Variants in DGKA observed in about 807,000 individuals in gnomAD.
DGKA encodes diacylglycerol kinase alpha, also known as 80 kDa diacylglycerol kinase.
A neutral mutation model predicts 105.0 loss-of-function variants in DGKA; 35 were observed. The observed-to-expected ratio is 0.33, with a 90% CI of 0.25 to 0.44. The LOEUF is 0.44. Ranked by LOEUF, DGKA falls within the 20% of genes least tolerant of loss-of-function variation. The pLI is 1.00. For missense variants in DGKA, 665 were observed against 915.0 expected (o/e 0.73, Z 3.53); for synonymous variants, 296 against 332.0 (o/e 0.89, Z 1.18).
chr12:55,949,073 G>T (rs901214362), intron 17 of DGKA, among the ~76,000 whole-genome samples: 1 of 151,582 alleles, frequency 6.6e-6, no homozygotes, highest in Admixed American at 6.6e-5. Context: ...CGTTGTCACC[G>T]TAAAGATTTA....
In DGKA at chr12:55,932,398, C is replaced by T. The variant is rs1883765322; in HGVS notation, c.-82+1054C>T. The T allele has an allele frequency of 1.6e-6, 1 of 609,820 alleles. No individual in the cohort carries two copies. The highest frequency in any genetic ancestry group is 1.8e-5 in the African/African-American group (1 of 54,510). The allele number at this position is 609,820 out of a possible 1,614,324, so 37.8% of individuals were successfully genotyped here. The stretch of plus-strand genomic sequence containing the variant: ...GTGAAGCCCGGTTCCTGGGACCCGA[C>T]TCGGAGGGAAGTCCTCTTCGGAACC... On this transcript the variant is annotated intron_variant, in intron 1 of 23. Coordinates refer to ENST00000331886, the MANE Select transcript of DGKA (RefSeq NM_001345.5). This position sits in a 1 kb window ranked among gnomAD's most constrained non-coding sequence, Gnocchi z 4.3.
chr12:55,932,692 TACACACACACACACACGC>T lies in DGKA; in HGVS notation c.-82+1365_-82+1382del, dbSNP rs1565727537. 6.9e-6 allele frequency: 4 copies of T among 580,780 alleles called. No individual in the cohort carries two copies. Among genetic ancestry groups the T allele is most frequent in the Non-Finnish European group, 1.2e-5 (4 of 323,178 alleles). 36.0% of individuals were successfully genotyped at this position (580,780 alleles called of 1,614,324 possible). A position where few individuals can be genotyped will look rare whatever the true frequency, so the allele number is the denominator to read the frequency against. On this transcript the variant is annotated intron_variant, in intron 1 of 23. Coordinates refer to ENST00000331886, the MANE Select transcript of DGKA (RefSeq NM_001345.5). This position sits in a 1 kb window ranked among gnomAD's most constrained non-coding sequence, Gnocchi z 4.3. ...TCCTATACTACGCAATGACACCCTC[TACACACACACACACACGC>T]ACACACACACACACACACACACACA...
chr12:55,939,081 T>A, intron 7 of DGKA, 92 bp downstream of exon 7: 1 of 1,607,120 alleles, frequency 6.2e-7, no homozygotes, highest in Non-Finnish European at 8.5e-7. Context: ...GGCAACCTGG[T>A]TCCCTTGGCT....
At position 55,942,467 on chromosome 12, in the gene DGKA, G is replaced by T. The variant is rs571561702; in HGVS notation, c.1426+204G>T. On this transcript the variant is annotated intron_variant, in intron 17 of 23. Transcript: ENST00000331886. ...CACAATCTGAACCTAGAAGGGTCAA[G>T]GGTGATAGTCCCCTTTCCTGTAAAT... 3 of 557,244 alleles carry T rather than the reference G, an allele frequency of 5.4e-6. No individual in the cohort carries two copies. In the East Asian group the frequency reaches 9.2e-5, roughly 17 times the overall value. 34.5% of individuals were successfully genotyped at this position (557,244 alleles called of 1,614,324 possible).
chr12:55,942,586 A>G (rs1886247512), intron 17 of DGKA: 1 of 328,412 alleles, frequency 3.0e-6, no homozygotes, highest in Non-Finnish European at 5.9e-6. Flanking sequence ...GTTGTATAAG[A>G]GCTAAGCCAG....
At chr12:55,930,107 AT>A (rs1440008558), upstream of DGKA, among the ~76,000 whole-genome samples, 1 of 152,122 alleles carries the variant, frequency 6.6e-6, no homozygotes, top group African/African-American at 2.4e-5. Flanking sequence ...CTATTCTTAC[AT>A]TGTATGTTTG....
intron 1 of DGKA, among the ~76,000 whole-genome samples, chr12:55,934,098 T>C (rs1466412639): frequency 3.3e-5 from 5 of 152,180 alleles, no homozygotes; most frequent in African/African-American, 1.2e-4. Context: ...ACTTCTACTG[T>C]ATACTACTTC....
At chr12:55,946,984 CT>C (rs1233832786) in intron 17 of DGKA, among the ~76,000 whole-genome samples, 2,144 of 127,830 alleles carry the variant, frequency 0.017, 27 homozygotes, top group African/African-American at 0.055. Context: ...TCCTTTCTTT[CT>C]TTTTTTTTTT....
intron 17 of DGKA, among the ~76,000 whole-genome samples, chr12:55,949,523 A>G (rs185630567): frequency 2.3e-4 from 35 of 152,332 alleles, no homozygotes; most frequent in Admixed American, 5.9e-4. Context: ...ATAAAATTGG[A>G]TAACATTTTG....
intron 1 of DGKA, chr12:55,933,054 C>CTT (rs1883971099): frequency 6.4e-6 from 1 of 155,716 alleles, no homozygotes; most frequent in Non-Finnish European, 1.4e-5. Context: ...AAAAAGGAAA[C>CTT]TTTAAATACT....
chr12:55,953,805 C>T lies in DGKA; in HGVS notation c.*37C>T. On this transcript the variant is annotated 3_prime_UTR_variant, in exon 24 of 24. Coordinates refer to ENST00000331886, the MANE Select transcript of DGKA (RefSeq NM_001345.5). ...TTGGCCTCCAAGCCAGCCTTGAACC[C>T]ACCTCCCTGTCCCTGGACTCTACTC... The T allele has an allele frequency of 1.3e-6, 2 of 1,577,762 alleles. No individual in the cohort carries two copies. The highest frequency in any genetic ancestry group is 1.7e-4 in the Middle Eastern group (1 of 5,976).
chr12:55,940,875 C>T lies in DGKA; in HGVS notation c.1018-22C>T. 6.2e-7 allele frequency: 1 copy of T among 1,612,952 alleles called. No individual in the cohort carries two copies. Among genetic ancestry groups the T allele is most frequent in the Non-Finnish European group, 8.5e-7 (1 of 1,179,094 alleles). On this transcript the variant is annotated intron_variant, in intron 12 of 23. Coordinates refer to ENST00000331886, the MANE Select transcript of DGKA (RefSeq NM_001345.5). The surrounding 1 kb of genome is among the most constrained non-coding windows in gnomAD (Gnocchi z 4.3). ...TCATGCACAATACAGCTTTTCTTCC[C>T]TCTACTTTCTTCCCCTCCCAGGCCT...
chr12:55,928,371 T>C (rs562246480), upstream of DGKA: 1 of 152,194 alleles, frequency 6.6e-6, no homozygotes, highest in Non-Finnish European at 1.5e-5. Context: ...CTAGGCAGCA[T>C]GTCCCATTTA....
In DGKA at chr12:55,940,283, T is replaced by C. The variant is rs1359367649; in HGVS notation, c.799-31T>C. The C allele has an allele frequency of 3.1e-6, 5 of 1,614,252 alleles. No homozygotes were observed. The Admixed American group carries it at 6.7e-5, about 22-fold the overall frequency. On this transcript the variant is annotated intron_variant, in intron 10 of 23. Transcript: ENST00000331886. This position sits in a 1 kb window ranked among gnomAD's most constrained non-coding sequence, Gnocchi z 4.3. ...CCTCCCCTAGGTCCTGCTCAGACCC[T>C]GCCAGACAAGGAACTGCCTTTCTCC...
chr12:55,952,281 C>G lies in DGKA; in HGVS notation c.1653-60C>G, dbSNP rs974047515. On this transcript the variant is annotated intron_variant, in intron 19 of 23. Transcript: ENST00000331886. This position sits in a 1 kb window ranked among gnomAD's most constrained non-coding sequence, Gnocchi z 5.1. Reference sequence around the variant, plus strand: ...GATGCCCTTCCCTGTCACGTACCACCCCTGCCAGCACTGTGTAACCTGTCC... The same window carrying G: ...GATGCCCTTCCCTGTCACGTACCACGCCTGCCAGCACTGTGTAACCTGTCC... 3.5e-5 allele frequency: 54 copies of G among 1,563,628 alleles called. No individual in the cohort carries two copies. The highest frequency in any genetic ancestry group is 4.6e-5 in the Non-Finnish European group (52 of 1,134,174).
In DGKA at chr12:55,932,289, T is replaced by G. The variant is rs1592654457; in HGVS notation, c.-82+945T>G. Reference sequence around the variant, plus strand: ...AAGGGTCTGCGCTGGGACGCGGGGGTGCAGCGGGAGGGCTGGGCCCGAACC... The same window carrying G: ...AAGGGTCTGCGCTGGGACGCGGGGGGGCAGCGGGAGGGCTGGGCCCGAACC... On this transcript the variant is annotated intron_variant, in intron 1 of 23. Coordinates refer to ENST00000331886, the MANE Select transcript of DGKA (RefSeq NM_001345.5). This position sits in a 1 kb window ranked among gnomAD's most constrained non-coding sequence, Gnocchi z 4.3. The G allele has an allele frequency of 3.8e-6, 2 of 527,792 alleles. No individual in the cohort carries two copies. Among genetic ancestry groups the G allele is most frequent in the East Asian group, 3.3e-5 (1 of 30,744 alleles). 32.7% of individuals were successfully genotyped at this position (527,792 alleles called of 1,614,324 possible).
upstream of DGKA, among the ~76,000 whole-genome samples, chr12:55,928,666 G>C (rs1374306176): frequency 9.9e-6 from 1 of 100,622 alleles, no homozygotes; most frequent in Non-Finnish European, 1.8e-5. Flanking sequence ...GACAGAGTGG[G>C]ACCCCGTCTC....
At chr12:55,946,871 AG>A (rs901341402) in intron 17 of DGKA, among the ~76,000 whole-genome samples, 1 of 152,232 alleles carries the variant, frequency 6.6e-6, no homozygotes, top group Non-Finnish European at 1.5e-5. Flanking sequence ...TTGCCAAAAA[AG>A]TTTCAGCAGG....
Position 55,937,549 on chromosome 12 carries a change from G to A in DGKA, c.274+6G>A, listed in dbSNP as rs771796191. On this transcript the variant is annotated splice_donor_region_variant and intron_variant, in intron 4 of 23. Transcript: ENST00000331886. ...TGAGACAAATGTGACAAAAGGTATG[G>A]TCAAGCAGGTAGGACTGGGCTAAGC... The A allele has an allele frequency of 5.6e-6, 9 of 1,613,858 alleles. No individual in the cohort carries two copies. The South Asian group carries it at 9.9e-5, about 18-fold the overall frequency.
Sources: allele counts gnomAD v4.1 joint callset (sites outside exome capture counted in the v4.1 genomes callset), GRCh38; gene constraint gnomAD v4.1.1; non-coding constraint Gnocchi (gnomAD v3.1); transcripts MANE v1.5; gene names NCBI Gene and HGNC (gene_info 2026-07-23, HGNC 2026-07-21).